The following THRB variants were observed in gnomAD, a reference collection of about 807,000 sequenced individuals.
THRB encodes the protein nuclear receptor subfamily 1 group A member 2.
Under a neutral mutation model 47.8 loss-of-function variants are expected in THRB, and 12 were observed. The observed-to-expected ratio is 0.25, with a 90% CI of 0.16 to 0.41. The LOEUF (loss-of-function observed/expected upper bound fraction) is 0.41, where lower values mean the gene tolerates loss of function less well. Among genes scored for constraint, THRB ranks in the 10% least tolerant of loss-of-function variants. The pLI, the probability that THRB is intolerant of heterozygous loss-of-function variation, is 1.00. For synonymous variants in THRB, 218 were observed against 212.2 expected (o/e 1.03, Z -0.24); for missense variants, 348 against 589.2 (o/e 0.59, Z 4.24).
At chr3:24,330,140 C>T (rs551338469) in intron 2 of THRB, among the ~76,000 whole-genome samples, 1 of 149,448 alleles carries the variant, frequency 6.7e-6, no homozygotes, top group African/African-American at 2.5e-5. Flanking sequence ...CCCGTCTCTA[C>T]TAAAAATACA....
At chr3:24,473,940 C>G (rs191213149) in intron 1 of THRB, among the ~76,000 whole-genome samples, 3 of 152,268 alleles carry the variant, frequency 2.0e-5, no homozygotes, top group Admixed American at 2.0e-4. Flanking sequence ...ACATCATACA[C>G]TGTGGCCTGT....
At chr3:24,282,807 C>G (rs1490161068) in intron 3 of THRB, among the ~76,000 whole-genome samples, 1 of 149,822 alleles carries the variant, frequency 6.7e-6, no homozygotes, top group African/African-American at 2.5e-5. Flanking sequence ...CTACAAACAC[C>G]TCTACGCAAA....
chr3:24,435,595 A>T (rs1322448590), intron 1 of THRB, among the ~76,000 whole-genome samples: 4 of 152,174 alleles, frequency 2.6e-5, no homozygotes, highest in African/African-American at 9.6e-5. Flanking sequence ...TGCCTTGTAC[A>T]AAGTATGGGT....
In THRB at chr3:24,464,239, G is replaced by A. The variant is rs549006285; in HGVS notation, c.-261+30413C>T. Among the ~76,000 whole-genome samples, 1,359 of 143,286 alleles carry A rather than the reference G, an allele frequency of 9.5e-3. 14 individuals are homozygous for A. Among genetic ancestry groups the A allele is most frequent in the Non-Finnish European group, 0.012 (798 of 66,600 alleles). 94.0% of individuals were successfully genotyped at this position (143,286 alleles called of 152,430 possible). ...CCAACCTGGGCGACAGTGAGACTCCGTCTCAAAAAAAAAAAGAAAAAAAAA... is the reference window on the plus strand; with the variant it reads ...CCAACCTGGGCGACAGTGAGACTCCATCTCAAAAAAAAAAAGAAAAAAAAA... On this transcript the variant is annotated intron_variant, in intron 1 of 10. Transcript: ENST00000646209.
intron 1 of THRB, among the ~76,000 whole-genome samples, chr3:24,344,577 TA>T (rs1224370701): frequency 1.3e-5 from 2 of 151,772 alleles, no homozygotes; most frequent in Non-Finnish European, 2.9e-5. Flanking sequence ...CACAAAATTG[TA>T]AAAAAAATCC....
rs115684580 is a variant in THRB, at chr3:24,484,490, G to A, written c.-261+10162C>T. 6.6e-3 allele frequency among the ~76,000 whole-genome samples: 1,008 copies of A among 151,996 alleles called. 15 individuals are homozygous for A. Among genetic ancestry groups the A allele is most frequent in the African/African-American group, 0.023 (938 of 41,482 alleles). ...TGTTAATAATATTCTAAATATATTA[G>A]GTAAAATAAAATATAGTATTGAACT... On this transcript the variant is annotated intron_variant, in intron 1 of 10. Coordinates refer to ENST00000646209, the MANE Select transcript of THRB (RefSeq NM_001354712.2).
chr3:24,288,721 G>C (rs1317996909), intron 3 of THRB, among the ~76,000 whole-genome samples: 1 of 152,098 alleles, frequency 6.6e-6, no homozygotes, highest in Non-Finnish European at 1.5e-5. Flanking sequence ...TCAAACTATG[G>C]GTCCCAACAC....
chr3:24,119,988 C>G lies in THRB; in HGVS notation c.*2896G>C, dbSNP rs141187864. 6.6e-6 allele frequency: 1 copy of G among 152,182 alleles called. No homozygotes were observed. Among genetic ancestry groups the G allele is most frequent in the East Asian group, 1.9e-4 (1 of 5,164 alleles). The allele number at this position is 152,182 out of a possible 1,614,324, so 9.4% of individuals were successfully genotyped here. A position where few individuals can be genotyped will look rare whatever the true frequency, so the allele number is the denominator to read the frequency against. On this transcript the variant is annotated 3_prime_UTR_variant, in exon 11 of 11. Transcript: ENST00000646209. ...CTCCTCTACTGAGACGTCTCCCTGC[C>G]GAGGGGGTGGGAGCGCAGGTGTGAA...
chr3:24,417,249 T>C (rs1433943205), intron 1 of THRB, among the ~76,000 whole-genome samples: 2 of 151,896 alleles, frequency 1.3e-5, no homozygotes, highest in Non-Finnish European at 2.9e-5. Context: ...ATTGTGTATT[T>C]ATGCAAGTAG....
At chr3:24,133,113 A>T (rs2034121549) in intron 9 of THRB, among the ~76,000 whole-genome samples, 1 of 152,222 alleles carries the variant, frequency 6.6e-6, no homozygotes, top group Non-Finnish European at 1.5e-5. Context: ...TGGGCCTTAC[A>T]CGGACAAGCT....
At chr3:24,477,919 A>G (rs1695738300) in intron 1 of THRB, among the ~76,000 whole-genome samples, 1 of 150,114 alleles carries the variant, frequency 6.7e-6, no homozygotes, top group Non-Finnish European at 1.5e-5. Context: ...CAGCTACTAG[A>G]TCAGGCAAAG....
At chr3:24,484,234 A>T (rs764866316) in intron 1 of THRB, 1 of 152,196 alleles carries the variant, frequency 6.6e-6, no homozygotes, top group Non-Finnish European at 1.5e-5. Flanking sequence ...TAACCAATAT[A>T]TCTGGCAAGA....
chr3:24,354,326 C>A (rs6805811), intron 1 of THRB, among the ~76,000 whole-genome samples: 2,529 of 152,138 alleles, frequency 0.017, 73 homozygotes, highest in African/African-American at 0.056. Flanking sequence ...CCCCATCACA[C>A]AAATTTACCT....
intron 1 of THRB, among the ~76,000 whole-genome samples, chr3:24,453,144 C>A (rs1353760027): frequency 6.6e-6 from 1 of 152,188 alleles, no homozygotes; most frequent in Admixed American, 6.5e-5. Flanking sequence ...CCCTCCTCTT[C>A]TCCATCCAAA....
At chr3:24,278,550 T>C (rs1027259733) in intron 3 of THRB, among the ~76,000 whole-genome samples, 2 of 152,148 alleles carry the variant, frequency 1.3e-5, no homozygotes, top group African/African-American at 4.8e-5. Context: ...TGATGACAGA[T>C]TTTTCACTTA....
chr3:24,399,548 T>C (rs1341717344), intron 1 of THRB, among the ~76,000 whole-genome samples: 1 of 152,076 alleles, frequency 6.6e-6, no homozygotes, highest in Non-Finnish European at 1.5e-5. Flanking sequence ...TGTGTGACTG[T>C]GCAGGTTGCA....
At chr3:24,346,746 G>T (rs908240940) in intron 1 of THRB, among the ~76,000 whole-genome samples, 1 of 152,010 alleles carries the variant, frequency 6.6e-6, no homozygotes, top group Non-Finnish European at 1.5e-5. Context: ...AAATCTGAAT[G>T]TACCTAGTTA....
chr3:24,133,216 C>T (rs1005154303), intron 9 of THRB, 100 bp downstream of exon 9: 5 of 1,355,166 alleles, frequency 3.7e-6, no homozygotes, highest in South Asian at 1.2e-5. Flanking sequence ...ATGATTAAGT[C>T]CCTACTAATT....
intron 1 of THRB, among the ~76,000 whole-genome samples, chr3:24,459,634 T>C (rs2073515626): frequency 6.6e-6 from 1 of 152,216 alleles, no homozygotes; most frequent in Non-Finnish European, 1.5e-5. Flanking sequence ...TGTTGTTTCC[T>C]GACTTTTTAA....
Sources: gnomAD v4.1 joint callset for allele counts (sites outside exome capture counted in the v4.1 genomes callset) on GRCh38, gnomAD v4.1.1 for gene constraint, MANE v1.5 for transcripts, NCBI Gene and HGNC (gene_info 2026-07-23, HGNC 2026-07-21) for gene names.